GRIK3: variants seen among roughly 807,000 people sequenced by gnomAD.
The protein encoded by GRIK3 is glutamate ionotropic receptor kainate type subunit 3.
Under a neutral mutation model 102.5 loss-of-function variants are expected in GRIK3, and 29 were observed. The observed-to-expected ratio is 0.28, with a 90% CI of 0.21 to 0.39. The LOEUF (loss-of-function observed/expected upper bound fraction) is 0.39, where lower values mean the gene tolerates loss of function less well. Ranked by LOEUF, GRIK3 falls within the 10% of genes least tolerant of loss-of-function variation. The pLI, the probability that GRIK3 is intolerant of heterozygous loss-of-function variation, is 1.00. For synonymous variants in GRIK3, 511 were observed against 504.9 expected, an observed-to-expected ratio of 1.01 and a Z score of -0.16; for missense variants, 908 against 1,252.4, an observed-to-expected ratio of 0.73 and a Z score of 4.15.
chr1:36,890,474 A>C (rs2124272535), intron 2 of GRIK3, among the ~76,000 whole-genome samples: 1 of 152,126 alleles, frequency 6.6e-6, no homozygotes, highest in African/African-American at 2.4e-5. Context: ...AAAAAAAAAA[A>C]AAATGTCAGC....
intron 4 of GRIK3, among the ~76,000 whole-genome samples, chr1:36,870,987 CT>C (rs1372801091): frequency 6.6e-6 from 1 of 152,114 alleles, no homozygotes; most frequent in Non-Finnish European, 1.5e-5. Context: ...GGGTTATAGG[CT>C]TTCTGGGGCA....
Position 36,842,113 on chromosome 1 carries a change from G to C in GRIK3, c.1327-174C>G, listed in dbSNP as rs113124758. On this transcript the variant is annotated intron_variant, in intron 9 of 15. Coordinates refer to ENST00000373091, the MANE Select transcript of GRIK3 (RefSeq NM_000831.4). ...GGGAAAGCACATGTCCTGAGAGCCAGCTGGGGGCCTCATGAATGGCTACCT... is the reference window on the plus strand; with the variant it reads ...GGGAAAGCACATGTCCTGAGAGCCACCTGGGGGCCTCATGAATGGCTACCT... Among the ~76,000 whole-genome samples, 157 of 152,304 alleles carry C rather than the reference G, an allele frequency of 1.0e-3. 2 individuals carry two copies. Among genetic ancestry groups the C allele is most frequent in the Middle Eastern group, 3.4e-3 (1 of 294 alleles).
At chr1:37,023,865 A>G (rs1016865524) in intron 1 of GRIK3, among the ~76,000 whole-genome samples, 4 of 152,246 alleles carry the variant, frequency 2.6e-5, no homozygotes, top group Admixed American at 2.6e-4. Context: ...CCAAGCATGG[A>G]GACATGGTAA....
Position 36,819,625 on chromosome 1 carries a change from G to T in GRIK3, c.1873+111C>A. On this transcript the variant is annotated intron_variant, in intron 12 of 15. Coordinates refer to ENST00000373091, the MANE Select transcript of GRIK3 (RefSeq NM_000831.4). This position sits in a 1 kb window ranked among gnomAD's most constrained non-coding sequence, Gnocchi z 4.1. ...TCCAAACTTCTGCCGGCTCATCAGGGTCTGAGGCTACCCCTAGAGGTGTGG... is the reference window on the plus strand; with the variant it reads ...TCCAAACTTCTGCCGGCTCATCAGGTTCTGAGGCTACCCCTAGAGGTGTGG... The T allele has an allele frequency of 1.5e-6, 1 of 686,600 alleles. No homozygotes were observed. Among genetic ancestry groups the T allele is most frequent in the East Asian group, 2.6e-5 (1 of 38,234 alleles). 42.5% of individuals were successfully genotyped at this position (686,600 alleles called of 1,614,324 possible). A position where few individuals can be genotyped will look rare whatever the true frequency, so the allele number is the denominator to read the frequency against.
intron 3 of GRIK3, among the ~76,000 whole-genome samples, chr1:36,873,092 G>A (rs1640861193): frequency 6.6e-6 from 1 of 152,180 alleles, no homozygotes; most frequent in African/African-American, 2.4e-5. Flanking sequence ...CAACTCAGTG[G>A]CCTCCTCCCT....
At chr1:36,938,336 AG>A (rs1641682475) in intron 1 of GRIK3, among the ~76,000 whole-genome samples, 3 of 152,232 alleles carry the variant, frequency 2.0e-5, no homozygotes, top group Admixed American at 2.0e-4. Context: ...TCCCATAAAA[AG>A]CATGAGGGTG....
chr1:36,843,222 A>G (rs889056703), intron 9 of GRIK3, among the ~76,000 whole-genome samples: 1 of 152,136 alleles, frequency 6.6e-6, no homozygotes, highest in African/African-American at 2.4e-5. Flanking sequence ...AGCAAGTCCG[A>G]ATCCAGGTCA....
chr1:36,843,840 C>T (rs1640489398), intron 9 of GRIK3, among the ~76,000 whole-genome samples: 1 of 152,232 alleles, frequency 6.6e-6, no homozygotes, highest in Admixed American at 6.5e-5. Context: ...GGTTAGCTGA[C>T]AGAATGCAGG....
At chr1:36,805,886 A>G (rs1642492957) in intron 14 of GRIK3, among the ~76,000 whole-genome samples, 1 of 143,734 alleles carries the variant, frequency 7.0e-6, no homozygotes, top group Admixed American at 7.1e-5. Context: ...CGGTGAACCG[A>G]GATCATGCCA....
intron 1 of GRIK3, among the ~76,000 whole-genome samples, chr1:36,996,733 T>C (rs570486002): frequency 6.6e-6 from 1 of 152,228 alleles, no homozygotes; most frequent in South Asian, 2.1e-4. Flanking sequence ...GTAGCTCCCA[T>C]TCTGCTAGAA....
At chr1:36,948,781 T>C (rs540226737) in intron 1 of GRIK3, among the ~76,000 whole-genome samples, 10 of 152,132 alleles carry the variant, frequency 6.6e-5, no homozygotes, top group Non-Finnish European at 7.4e-5. Context: ...CCTGGCCTCC[T>C]TGTCTCCAGC....
chr1:36,959,440 C>T lies in GRIK3; in HGVS notation c.116-68344G>A, dbSNP rs520398. Among the ~76,000 whole-genome samples, 683 of 115,398 alleles carry T rather than the reference C, an allele frequency of 5.9e-3. 30 individuals carry two copies. Among genetic ancestry groups the T allele is most frequent in the African/African-American group, 0.02 (650 of 32,540 alleles). The allele number at this position is 115,398 out of a possible 152,430, so 75.7% of individuals were successfully genotyped here. On this transcript the variant is annotated intron_variant, in intron 1 of 15. Coordinates refer to ENST00000373091, the MANE Select transcript of GRIK3 (RefSeq NM_000831.4). ...TCTGTGAGTCTGTGAGTCTGTGCCC[C>T]GTGACTCTGTGCCCCATGAGCCTGT...
chr1:36,912,436 C>G (rs552422595), intron 1 of GRIK3, among the ~76,000 whole-genome samples: 88 of 152,206 alleles, frequency 5.8e-4, no homozygotes, highest in South Asian at 4.6e-3. Flanking sequence ...CCTCCTCCCC[C>G]CTCTGCTGCC....
At chr1:36,968,924 G>A (rs1030579354) in intron 1 of GRIK3, among the ~76,000 whole-genome samples, 1 of 152,196 alleles carries the variant, frequency 6.6e-6, no homozygotes, top group African/African-American at 2.4e-5. Flanking sequence ...GCCAAGGCAG[G>A]CAGCCTTTCC....
At chr1:36,873,250 T>C (rs1400043079) in intron 3 of GRIK3, among the ~76,000 whole-genome samples, 2 of 152,188 alleles carry the variant, frequency 1.3e-5, no homozygotes, top group Non-Finnish European at 2.9e-5. Context: ...ACTGACTTAC[T>C]GTTTTTTGTT....
In GRIK3 at chr1:36,890,516, T is replaced by C. The variant is rs563975374; in HGVS notation, c.292+404A>G. 1.8e-3 allele frequency among the ~76,000 whole-genome samples: 273 copies of C among 151,512 alleles called. 1 individual carries two copies. The highest frequency in any genetic ancestry group is 6.5e-3 in the African/African-American group (266 of 41,132). On this transcript the variant is annotated intron_variant, in intron 2 of 15. Coordinates refer to ENST00000373091, the MANE Select transcript of GRIK3 (RefSeq NM_000831.4). ...TGCTCTCGATATCAGGGACTCTGACTGCCAGAATACAAGGCAAGGAGAAGC... is the reference window on the plus strand; with the variant it reads ...TGCTCTCGATATCAGGGACTCTGACCGCCAGAATACAAGGCAAGGAGAAGC...
At chr1:36,823,905 C>G (rs1217941122) in intron 11 of GRIK3, among the ~76,000 whole-genome samples, 2 of 152,164 alleles carry the variant, frequency 1.3e-5, no homozygotes, top group African/African-American at 2.4e-5. Context: ...ATGACTTAAC[C>G]TCTCCAAGCC....
At chr1:36,999,454 C>T (rs1309543902) in intron 1 of GRIK3, among the ~76,000 whole-genome samples, 1 of 152,076 alleles carries the variant, frequency 6.6e-6, no homozygotes, top group Non-Finnish European at 1.5e-5. Flanking sequence ...CCACTTGCCT[C>T]CTGAAAAGGT....
chr1:36,892,655 C>T (rs990763184), intron 1 of GRIK3, among the ~76,000 whole-genome samples: 5 of 152,056 alleles, frequency 3.3e-5, no homozygotes, highest in Non-Finnish European at 7.4e-5. Flanking sequence ...CAATCAGAAT[C>T]ATGAAAGGAT....
Sources: allele counts gnomAD v4.1 joint callset (sites outside exome capture counted in the v4.1 genomes callset), GRCh38; gene constraint gnomAD v4.1.1; non-coding constraint Gnocchi (gnomAD v3.1); transcripts MANE v1.5; gene names NCBI Gene and HGNC (gene_info 2026-07-23, HGNC 2026-07-21).